The following CAST variants were observed in gnomAD, a reference collection of about 807,000 sequenced individuals.
CAST encodes MIR583 host.
Under a neutral mutation model 119.6 loss-of-function variants are expected in CAST, and 76 were observed. The observed-to-expected ratio is 0.64, with a 90% CI of 0.53 to 0.77. CAST has a LOEUF of 0.77. Among genes scored for constraint, CAST ranks in the 30% least tolerant of loss-of-function variants. The pLI, the probability that CAST is intolerant of heterozygous loss-of-function variation, is 0.00. For missense variants in CAST, 953 were observed against 946.5 expected, an observed-to-expected ratio of 1.01 and a Z score of -0.09; for synonymous variants, 319 against 331.6, an observed-to-expected ratio of 0.96 and a Z score of 0.41.
At position 96,738,987 on chromosome 5, in the gene CAST, A is replaced by G. The variant is rs150498302; in HGVS notation, c.798+1040A>G. ...TAGGCTAGACAAAAATATTTGCAAC[A>G]GACATAACAAAGGGTTTGTTTCTAG... On this transcript the variant is annotated intron_variant, in intron 11 of 31. Transcript: ENST00000675179. Among the ~76,000 whole-genome samples, 58 of 152,122 alleles carry G rather than the reference A, an allele frequency of 3.8e-4. No homozygotes were observed. In the East Asian group the frequency reaches 0.011, roughly 28 times the overall value.
chr5:96,167,733 C>A, the CAST span, among the ~76,000 whole-genome samples: 1 of 152,130 alleles, frequency 6.6e-6, no homozygotes, highest in Admixed American at 6.5e-5. Flanking sequence ...ACGGCGGTGG[C>A]CTTCTCAGAC....
the CAST span, among the ~76,000 whole-genome samples, chr5:96,195,383 G>T: frequency 1.3e-5 from 2 of 152,176 alleles, no homozygotes; most frequent in African/African-American, 2.4e-5. Context: ...TGTAGGAACA[G>T]AATCTCCATG....
At chr5:96,743,600 T>C (rs754239134) in intron 16 of CAST, 38 of 1,605,744 alleles carry the variant, frequency 2.4e-5, no homozygotes, top group Non-Finnish European at 2.5e-5. Context: ...GCAACAATCC[T>C]TGAGTCTGGG....
At chr5:96,167,920 T>C in the CAST span, among the ~76,000 whole-genome samples, 1 of 150,964 alleles carries the variant, frequency 6.6e-6, no homozygotes, top group Non-Finnish European at 1.5e-5. Context: ...CCCTGAGGAG[T>C]AGTAGAATAG....
the CAST span, among the ~76,000 whole-genome samples, chr5:96,206,480 A>G: frequency 2.0e-5 from 3 of 152,038 alleles, no homozygotes; most frequent in South Asian, 2.1e-4. Flanking sequence ...TGATTTTTGT[A>G]TATGGTATAA....
chr5:96,619,731 C>T (rs1747558686), intron 1 of CAST, among the ~76,000 whole-genome samples: 2 of 150,570 alleles, frequency 1.3e-5, no homozygotes, highest in Non-Finnish European at 1.5e-5. Flanking sequence ...CCAGGCACAC[C>T]ATCTTTAAGA....
At chr5:96,270,737 A>G in the CAST span, among the ~76,000 whole-genome samples, 1 of 152,272 alleles carries the variant, frequency 6.6e-6, no homozygotes, top group Non-Finnish European at 1.5e-5. Flanking sequence ...GGAGAGCATC[A>G]GGAAGAACAG....
chr5:96,511,013 T>C, the CAST span, among the ~76,000 whole-genome samples: 1 of 152,238 alleles, frequency 6.6e-6, no homozygotes, highest in Non-Finnish European at 1.5e-5. Context: ...AATCCACTCC[T>C]GGCTTGTGTG....
chr5:96,748,150 T>C (rs1159423336), intron 18 of CAST, among the ~76,000 whole-genome samples: 1 of 152,200 alleles, frequency 6.6e-6, no homozygotes, highest in Non-Finnish European at 1.5e-5. Flanking sequence ...TTTTGACTTA[T>C]TCAGAAGAGA....
At chr5:96,381,392 T>A in the CAST span, among the ~76,000 whole-genome samples, 1 of 151,916 alleles carries the variant, frequency 6.6e-6, no homozygotes, top group Non-Finnish European at 1.5e-5. Flanking sequence ...TAATGTTGAG[T>A]GTGAGTGGTG....
the CAST span, among the ~76,000 whole-genome samples, chr5:96,301,852 ATGG>A: frequency 6.6e-6 from 1 of 152,168 alleles, no homozygotes. Flanking sequence ...TTCCAGGAGC[ATGG>A]TGCAAGCTGT....
intron 1 of CAST, among the ~76,000 whole-genome samples, chr5:96,622,052 C>T (rs980716296): frequency 1.3e-5 from 2 of 148,890 alleles, no homozygotes; most frequent in Admixed American, 1.3e-4. Context: ...TCACTGCAAC[C>T]TCTGCTTCCC....
the CAST span, among the ~76,000 whole-genome samples, chr5:96,334,355 G>A: frequency 6.6e-6 from 1 of 152,158 alleles, no homozygotes; most frequent in African/African-American, 2.4e-5. Context: ...TCCATTTAAA[G>A]GCTGGAGGTT....
chr5:96,481,225 G>GCA, the CAST span, among the ~76,000 whole-genome samples: 1 of 151,622 alleles, frequency 6.6e-6, no homozygotes, highest in Non-Finnish European at 1.5e-5. Flanking sequence ...GTGTCACACT[G>GCA]CACAGCTGCT....
the CAST span, chr5:95,962,132 T>C: frequency 2.8e-6 from 1 of 354,698 alleles, no homozygotes; most frequent in Admixed American, 4.7e-5. Context: ...CCAGGCTGGC[T>C]TGGGGACTCC....
chr5:96,487,397 G>A, the CAST span, among the ~76,000 whole-genome samples: 788 of 152,152 alleles, frequency 5.2e-3, 6 homozygotes, highest in African/African-American at 0.018. Flanking sequence ...TCACTATTTC[G>A]GAATCCCATA....
At chr5:96,211,097 T>C in the CAST span, among the ~76,000 whole-genome samples, 1 of 152,094 alleles carries the variant, frequency 6.6e-6, no homozygotes, top group Non-Finnish European at 1.5e-5. Flanking sequence ...GTGTAGGCAA[T>C]TATACCTACA....
At chr5:96,428,035 C>T in the CAST span, among the ~76,000 whole-genome samples, 7 of 151,314 alleles carry the variant, frequency 4.6e-5, no homozygotes, top group African/African-American at 1.2e-4. Flanking sequence ...GGTCACTGTC[C>T]GTGGTCCTAA....
At chr5:96,354,029 T>G in the CAST span, among the ~76,000 whole-genome samples, 1 of 152,192 alleles carries the variant, frequency 6.6e-6, no homozygotes, top group African/African-American at 2.4e-5. Context: ...AACCTTGTAG[T>G]CATGTTTGAT....
Sources: gnomAD v4.1 joint callset for allele counts (sites outside exome capture counted in the v4.1 genomes callset) on GRCh38, gnomAD v4.1.1 for gene constraint, MANE v1.5 for transcripts, NCBI Gene and HGNC (gene_info 2026-07-23, HGNC 2026-07-21) for gene names.